Variants in SCML4 observed in about 807,000 individuals in gnomAD.
SCML4 encodes the protein sex comb on midleg-like protein 4.
Under a neutral mutation model 41.1 loss-of-function variants are expected in SCML4, and 34 were observed. That is an observed-to-expected ratio of 0.83 (90% confidence interval 0.63 to 1.10). SCML4 has a LOEUF of 1.10. SCML4 is among the 50% of genes least tolerant of loss of function. The pLI is 0.00. For missense variants in SCML4, 522 were observed against 534.1 expected, an observed-to-expected ratio of 0.98 and a Z score of 0.22; for synonymous variants, 214 against 220.9, an observed-to-expected ratio of 0.97 and a Z score of 0.28.
At chr6:107,806,889 G>C (rs923721128) in intron 1 of SCML4, among the ~76,000 whole-genome samples, 1 of 152,218 alleles carries the variant, frequency 6.6e-6, no homozygotes, top group African/African-American at 2.4e-5. Context: ...CAGAGCTTCA[G>C]GCCCCACCCC....
chr6:107,706,252 C>G (rs11751638), intron 7 of SCML4, among the ~76,000 whole-genome samples: 79,541 of 151,954 alleles, frequency 0.52, 21,959 homozygotes, highest in Middle Eastern at 0.66. Context: ...GCCTCATTTT[C>G]TACTGTCTTT....
intron 2 of SCML4, among the ~76,000 whole-genome samples, chr6:107,764,037 T>G (rs1779839202): frequency 1.3e-5 from 2 of 152,244 alleles, no homozygotes; most frequent in Admixed American, 6.5e-5. Flanking sequence ...CTTGGGGTTC[T>G]GAGGAGATGC....
At position 107,746,938 on chromosome 6, in the gene SCML4, C is replaced by G. The variant is rs41287524; in HGVS notation, c.287-49G>C. On this transcript the variant is annotated intron_variant, in intron 3 of 7. Transcript: ENST00000369020. ...CCCTCGGCATCAGGCGCGCATCAGG[C>G]CAGCTGGCGGCCTCTGTGTACACGG... 6,046 of 1,512,278 alleles carry G rather than the reference C, an allele frequency of 4.0e-3. 109 individuals are homozygous for G. The East Asian group carries it at 0.061, about 15-fold the overall frequency. The allele number at this position is 1,512,278 out of a possible 1,614,324, so 93.7% of individuals were successfully genotyped here. A position where few individuals can be genotyped will look rare whatever the true frequency, so the allele number is the denominator to read the frequency against.
At position 107,803,913 on chromosome 6, in the gene SCML4, G is replaced by A. The variant is rs1309053252; in HGVS notation, c.-60+20213C>T. Among the ~76,000 whole-genome samples, 8 of 151,746 alleles carry A rather than the reference G, an allele frequency of 5.3e-5. No individual in the cohort carries two copies. In the South Asian group the frequency reaches 6.2e-4, roughly 12 times the overall value. ...AAGTACCCAGGGACACAAACACTGCGGAAGGCCGCAGGGTCCTCTGCCTAG... is the reference window on the plus strand; with the variant it reads ...AAGTACCCAGGGACACAAACACTGCAGAAGGCCGCAGGGTCCTCTGCCTAG... On this transcript the variant is annotated intron_variant, in intron 1 of 7. Coordinates refer to ENST00000369020, the MANE Select transcript of SCML4 (RefSeq NM_198081.5).
At position 107,702,489 on chromosome 6, in the gene SCML4, A is replaced by C. The variant is rs908203860; in HGVS notation, c.*2711T>G. On this transcript the variant is annotated 3_prime_UTR_variant, in exon 8 of 8. Coordinates refer to ENST00000369020, the MANE Select transcript of SCML4 (RefSeq NM_198081.5). The stretch of plus-strand genomic sequence containing the variant: ...TGAAAACTTGATACTGGAAGTCACT[A>C]CATGAGGTATCTGTTGATGGAAGAG... Among the ~76,000 whole-genome samples the C allele has an allele frequency of 6.6e-6, 1 of 152,198 alleles. No homozygotes were observed. Among genetic ancestry groups the C allele is most frequent in the Non-Finnish European group, 1.5e-5 (1 of 68,032 alleles).
At chr6:107,790,715 T>C (rs1178397303) in intron 1 of SCML4, among the ~76,000 whole-genome samples, 2 of 152,130 alleles carry the variant, frequency 1.3e-5, no homozygotes, top group East Asian at 3.9e-4. Flanking sequence ...GCATCAGGAA[T>C]GGCCAGACGA....
intron 2 of SCML4, among the ~76,000 whole-genome samples, chr6:107,750,715 C>A (rs1368039641): frequency 5.3e-5 from 8 of 152,284 alleles, no homozygotes; most frequent in African/African-American, 1.9e-4. Flanking sequence ...AACACCAAAG[C>A]TTTTCAATTT....
At chr6:107,804,920 T>C (rs1332317542) in intron 1 of SCML4, among the ~76,000 whole-genome samples, 1 of 152,176 alleles carries the variant, frequency 6.6e-6, no homozygotes, top group East Asian at 1.9e-4. Context: ...CAATGAGCTG[T>C]GTTCGCACCA....
chr6:107,728,653 G>A (rs142359554), intron 5 of SCML4, among the ~76,000 whole-genome samples: 7 of 152,228 alleles, frequency 4.6e-5, no homozygotes, highest in South Asian at 2.1e-4. Flanking sequence ...ACTGATGCCC[G>A]TGGGTGAGAT....
At chr6:107,757,006 G>A (rs1779168265) in intron 2 of SCML4, among the ~76,000 whole-genome samples, 1 of 152,218 alleles carries the variant, frequency 6.6e-6, no homozygotes, top group Non-Finnish European at 1.5e-5. Context: ...CCCAGCAGGT[G>A]TGGCGACCCC....
chr6:107,838,445 C>A, the SCML4 span, among the ~76,000 whole-genome samples: 71 of 152,274 alleles, frequency 4.7e-4, no homozygotes, highest in Admixed American at 4.2e-3. Context: ...CATTGACAGG[C>A]GCGTTGTCAG....
At chr6:107,742,862 C>T (rs375318536) in intron 5 of SCML4, among the ~76,000 whole-genome samples, 24 of 152,170 alleles carry the variant, frequency 1.6e-4, no homozygotes, top group African/African-American at 4.8e-4. Context: ...GGTACCATTA[C>T]GTACACAGAC....
intron 5 of SCML4, among the ~76,000 whole-genome samples, chr6:107,727,169 A>G (rs1776068187): frequency 6.6e-6 from 1 of 152,228 alleles, no homozygotes; most frequent in Non-Finnish European, 1.5e-5. Context: ...CCACATGTCA[A>G]ATGATTCTTT....
At chr6:107,802,551 C>T (rs1783223187) in intron 1 of SCML4, among the ~76,000 whole-genome samples, 2 of 135,980 alleles carry the variant, frequency 1.5e-5, no homozygotes, top group South Asian at 4.5e-4. Flanking sequence ...TTTCAGGCCA[C>T]TTAAGAGCAT....
intron 6 of SCML4, among the ~76,000 whole-genome samples, chr6:107,712,498 C>A (rs1774323541): frequency 6.6e-6 from 1 of 151,926 alleles, no homozygotes; most frequent in African/African-American, 2.4e-5. Flanking sequence ...ACTGAGATGG[C>A]AAAGTGGGCT....
At chr6:107,746,033 T>G (rs1274574843) in intron 4 of SCML4, 1 of 148,852 alleles carries the variant, frequency 6.7e-6, no homozygotes, top group African/African-American at 2.5e-5. Flanking sequence ...AATAAAAGAA[T>G]GGAGGGTGAC....
intron 2 of SCML4, 116 bp downstream of exon 2, chr6:107,772,056 C>T: frequency 1.2e-6 from 1 of 849,690 alleles, no homozygotes; most frequent in Non-Finnish European, 1.7e-6. Flanking sequence ...AGGCTTATTT[C>T]TCATCCTGTC....
At chr6:107,744,918 C>T in intron 5 of SCML4, 31 bp downstream of exon 5, 1 of 1,535,840 alleles carries the variant, frequency 6.5e-7, no homozygotes, top group Non-Finnish European at 8.8e-7. Context: ...GGAGGTGTCC[C>T]TGCAGGTGGG....
chr6:107,717,424 T>G lies in SCML4; in HGVS notation c.973+3279A>C, dbSNP rs553353203. On this transcript the variant is annotated intron_variant, in intron 6 of 7. Coordinates refer to ENST00000369020, the MANE Select transcript of SCML4 (RefSeq NM_198081.5). ...TTCAACTGATACATCACATAGCAGC[T>G]TTTCTCCAAAGAGGTTAGGTGGCTT... Among the ~76,000 whole-genome samples, 7 of 152,288 alleles carry G rather than the reference T, an allele frequency of 4.6e-5. No individual in the cohort carries two copies. The East Asian group carries it at 1.2e-3, about 25-fold the overall frequency.
Sources: gnomAD v4.1 joint callset for allele counts (sites outside exome capture counted in the v4.1 genomes callset) on GRCh38, gnomAD v4.1.1 for gene constraint, MANE v1.5 for transcripts, NCBI Gene and HGNC (gene_info 2026-07-23, HGNC 2026-07-21) for gene names.